Variants in PATJ observed in about 807,000 individuals in gnomAD.
PATJ encodes the protein PATJ crumbs cell polarity complex component.
Under a neutral mutation model 224.9 loss-of-function variants are expected in PATJ, and 190 were observed. The ratio of observed to expected loss-of-function variants is 0.84; its 90% confidence interval spans 0.75 to 0.95. PATJ has a LOEUF of 0.95. Ranked by LOEUF, PATJ falls within the 40% of genes least tolerant of loss-of-function variation. The pLI is 0.00. For synonymous variants in PATJ, 769 were observed against 820.3 expected (o/e 0.94, Z 1.07); for missense variants, 2,121 against 2,270.3 (o/e 0.93, Z 1.34).
intron 39 of PATJ, among the ~76,000 whole-genome samples, chr1:62,125,758 C>T (rs919009462): frequency 7.5e-4 from 114 of 151,922 alleles, no homozygotes; most frequent in African/African-American, 2.7e-3. Context: ...ACACGTGATC[C>T]AAGCATAAAT....
At chr1:61,862,456 C>A (rs755528501) in intron 19 of PATJ, among the ~76,000 whole-genome samples, 1 of 152,188 alleles carries the variant, frequency 6.6e-6, no homozygotes, top group Non-Finnish European at 1.5e-5. Flanking sequence ...CTCGGCCTCC[C>A]GAAGTGCTGA....
chr1:61,851,321 T>A (rs573480238), intron 17 of PATJ, among the ~76,000 whole-genome samples: 3 of 152,074 alleles, frequency 2.0e-5, no homozygotes, highest in Non-Finnish European at 2.9e-5. Flanking sequence ...AGTGCTTGGG[T>A]CTTCAGGGAG....
At chr1:62,013,634 G>A in intron 28 of PATJ, 1 of 353,110 alleles carries the variant, frequency 2.8e-6, no homozygotes, top group Non-Finnish European at 4.0e-6. Flanking sequence ...TAAACCTAGT[G>A]CCACAAGATT....
intron 28 of PATJ, among the ~76,000 whole-genome samples, chr1:62,013,025 C>T (rs1646543628): frequency 6.6e-6 from 1 of 152,388 alleles, no homozygotes; most frequent in African/African-American, 2.4e-5. Context: ...GCCATAAACA[C>T]CCGTATTGGC....
chr1:62,066,317 T>G (rs1409257585), intron 31 of PATJ, among the ~76,000 whole-genome samples: 2 of 152,010 alleles, frequency 1.3e-5, no homozygotes, highest in African/African-American at 2.4e-5. Flanking sequence ...AAGATTTGAA[T>G]CCAACTTTAA....
intron 33 of PATJ, among the ~76,000 whole-genome samples, chr1:62,101,133 G>C (rs2148833561): frequency 6.6e-6 from 1 of 152,230 alleles, no homozygotes. Context: ...TGAGGAACAA[G>C]TGCTAGAGAG....
chr1:62,082,007 A>T (rs1659343316), intron 32 of PATJ, among the ~76,000 whole-genome samples: 2 of 152,258 alleles, frequency 1.3e-5, no homozygotes, highest in Middle Eastern at 6.8e-3. Context: ...TTACAATTTA[A>T]TATTCTGCCT....
intron 31 of PATJ, among the ~76,000 whole-genome samples, chr1:62,061,799 G>A (rs902801060): frequency 1.1e-4 from 17 of 152,038 alleles, no homozygotes; most frequent in African/African-American, 3.9e-4. Context: ...AGCTGGGACT[G>A]CAGGCACCTG....
intron 7 of PATJ, among the ~76,000 whole-genome samples, chr1:61,777,409 A>C (rs529386996): frequency 5.9e-5 from 9 of 152,118 alleles, no homozygotes; most frequent in Admixed American, 6.5e-5. Context: ...TACAAAAGAC[A>C]CAAAAGTTAG....
chr1:61,834,432 G>C (rs555447811), intron 17 of PATJ, among the ~76,000 whole-genome samples: 1 of 152,240 alleles, frequency 6.6e-6, no homozygotes, highest in Admixed American at 6.5e-5. Context: ...CAATACATTT[G>C]GGGGAGGGAG....
intron 22 of PATJ, among the ~76,000 whole-genome samples, chr1:61,888,801 T>G (rs1007748355): frequency 2.3e-4 from 35 of 152,218 alleles, no homozygotes; most frequent in African/African-American, 8.4e-4. Context: ...GAAGATATAC[T>G]TTGTTCTTAT....
At chr1:62,096,892 C>T (rs529055994) in intron 33 of PATJ, among the ~76,000 whole-genome samples, 20 of 152,264 alleles carry the variant, frequency 1.3e-4, no homozygotes, top group African/African-American at 4.6e-4. Context: ...GCTGGGATTA[C>T]AGGCGTGAGC....
chr1:61,994,565 T>A (rs932135563), intron 28 of PATJ, among the ~76,000 whole-genome samples: 14 of 152,100 alleles, frequency 9.2e-5, no homozygotes, highest in African/African-American at 3.4e-4. Context: ...TCTTTTTTTT[T>A]TTTCCCAAGA....
intron 17 of PATJ, among the ~76,000 whole-genome samples, chr1:61,850,844 A>G (rs1469102136): frequency 1.3e-5 from 2 of 152,238 alleles, no homozygotes; most frequent in Non-Finnish European, 2.9e-5. Context: ...AATGGGTTCA[A>G]ATAAATAAGA....
chr1:62,055,866 G>A (rs1055425432), intron 31 of PATJ, among the ~76,000 whole-genome samples: 26 of 152,272 alleles, frequency 1.7e-4, no homozygotes, highest in African/African-American at 6.0e-4. Flanking sequence ...CCCACAATAG[G>A]CTGTCTGCAA....
chr1:61,959,591 A>G (rs1016446799), intron 27 of PATJ, among the ~76,000 whole-genome samples: 6 of 150,776 alleles, frequency 4.0e-5, no homozygotes, highest in Admixed American at 1.3e-4. Flanking sequence ...GGTGCATGCC[A>G]CCATGCCTGG....
chr1:61,796,081 G>GTCT (rs1651033242), intron 10 of PATJ, among the ~76,000 whole-genome samples: 1 of 152,108 alleles, frequency 6.6e-6, no homozygotes, highest in Non-Finnish European at 1.5e-5. Context: ...TTATATTAAT[G>GTCT]TCTATACATA....
intron 26 of PATJ, 37 bp downstream of exon 26, chr1:61,914,701 TG>T (rs763073617): frequency 1.5e-6 from 2 of 1,372,100 alleles, no homozygotes; most frequent in Non-Finnish European, 2.0e-6. Context: ...AAAATGTTTT[TG>T]TTTTGTTTTT....
chr1:62,154,854 A>C (rs2149054088), intron 43 of PATJ, among the ~76,000 whole-genome samples: 1 of 152,252 alleles, frequency 6.6e-6, no homozygotes, highest in East Asian at 1.9e-4. Flanking sequence ...TTACTTTTGG[A>C]CCACATTGAG....
Sources: allele counts gnomAD v4.1 joint callset (sites outside exome capture counted in the v4.1 genomes callset), GRCh38; gene constraint gnomAD v4.1.1; transcripts MANE v1.5; gene names NCBI Gene and HGNC (gene_info 2026-07-23, HGNC 2026-07-21).